Variants in NRG1 observed in about 807,000 individuals in gnomAD.
NRG1 encodes pro-neuregulin-1, membrane-bound isoform.
Under a neutral mutation model 63.8 loss-of-function variants are expected in NRG1, and 18 were observed. The ratio of observed to expected loss-of-function variants is 0.28; its 90% CI spans 0.19 to 0.42. The LOEUF is 0.42. Ranked by LOEUF, NRG1 falls within the 10% of genes least tolerant of loss-of-function variation. The pLI is 1.00. For synonymous variants in NRG1, 302 were observed against 301.3 expected, an observed-to-expected ratio of 1.00 and a Z score of -0.02; for missense variants, 762 against 814.7, an observed-to-expected ratio of 0.94 and a Z score of 0.79.
At chr8:31,713,386 G>T (rs554359216) in intron 1 of NRG1, among the ~76,000 whole-genome samples, 7 of 152,236 alleles carry the variant, frequency 4.6e-5, no homozygotes, top group African/African-American at 1.7e-4. Flanking sequence ...AAAGTGCTGG[G>T]ATTACAGGTA....
intron 1 of NRG1, among the ~76,000 whole-genome samples, chr8:32,438,724 A>G (rs13257152): frequency 0.056 from 8,453 of 152,226 alleles, 291 homozygotes; most frequent in Middle Eastern, 0.085. Flanking sequence ...TATTTTAGCC[A>G]TTATGATCAG....
chr8:32,772,037 ATATGT>A (rs1256424775), downstream of NRG1, among the ~76,000 whole-genome samples: 12 of 112,704 alleles, frequency 1.1e-4, 1 homozygote, highest in African/African-American at 2.2e-4. Flanking sequence ...AAAAAAAAAA[ATATGT>A]ATATATATAT....
At chr8:32,144,183 T>A (rs1836611337) in intron 1 of NRG1, among the ~76,000 whole-genome samples, 1 of 152,140 alleles carries the variant, frequency 6.6e-6, no homozygotes, top group Non-Finnish European at 1.5e-5. Flanking sequence ...AAGCCGACCA[T>A]GATCTGCTGG....
chr8:32,314,982 C>T (rs930939015), intron 1 of NRG1, among the ~76,000 whole-genome samples: 1 of 152,166 alleles, frequency 6.6e-6, no homozygotes, highest in Admixed American at 6.5e-5. Context: ...CGGATGTCAC[C>T]TCCTCCAAGA....
intron 1 of NRG1, among the ~76,000 whole-genome samples, chr8:31,861,576 C>T (rs1441923131): frequency 6.6e-6 from 1 of 152,184 alleles, no homozygotes; most frequent in Non-Finnish European, 1.5e-5. Flanking sequence ...GTCATCACAA[C>T]TGCTGCATTG....
intron 1 of NRG1, among the ~76,000 whole-genome samples, chr8:32,029,151 A>G (rs527444778): frequency 1.5e-3 from 229 of 152,276 alleles, no homozygotes; most frequent in Non-Finnish European, 2.8e-3. Context: ...TTATTTGCGT[A>G]CCTCATTTTT....
At chr8:32,194,189 C>G (rs975039561) in intron 1 of NRG1, among the ~76,000 whole-genome samples, 55 of 152,204 alleles carry the variant, frequency 3.6e-4, no homozygotes, top group African/African-American at 1.3e-3. Flanking sequence ...AATTAGAAAG[C>G]TTCTGACAGA....
intron 1 of NRG1, among the ~76,000 whole-genome samples, chr8:32,137,573 G>A (rs548315347): frequency 2.0e-5 from 3 of 152,248 alleles, no homozygotes; most frequent in South Asian, 2.1e-4. Flanking sequence ...GTCAAGTGTC[G>A]TGAGATTCCA....
At chr8:32,212,982 A>G (rs1844843426) in intron 1 of NRG1, among the ~76,000 whole-genome samples, 1 of 152,114 alleles carries the variant, frequency 6.6e-6, no homozygotes, top group Non-Finnish European at 1.5e-5. Context: ...TTCTTGGGAG[A>G]TGGTTTTTAT....
At chr8:32,124,763 A>G (rs1382424367) in intron 1 of NRG1, among the ~76,000 whole-genome samples, 1 of 151,892 alleles carries the variant, frequency 6.6e-6, no homozygotes, top group Admixed American at 6.6e-5. Context: ...AAGGCAACAA[A>G]AGTTATCACA....
chr8:32,197,657 G>C (rs1338497560), intron 1 of NRG1, among the ~76,000 whole-genome samples: 1 of 152,138 alleles, frequency 6.6e-6, no homozygotes, highest in African/African-American at 2.4e-5. Context: ...CTAGACTGTT[G>C]GCTTATTGTC....
At position 31,808,259 on chromosome 8, in the gene NRG1, G is replaced by GT. The variant is rs1384186398; in HGVS notation, c.37+168828_37+168829insT. ...TGGCATGTTTACTTTCTTTGTGTAA[G>GT]CTGATGTATGGAAAATATTTTCCTA... On this transcript the variant is annotated intron_variant, in intron 1 of 10. Transcript: ENST00000519301. 3.7e-4 allele frequency among the ~76,000 whole-genome samples: 56 copies of GT among 151,968 alleles called. 1 individual carries two copies. The highest frequency in any genetic ancestry group is 1.2e-3 in the African/African-American group (49 of 41,466).
chr8:32,079,951 T>A (rs1827193861), intron 1 of NRG1, among the ~76,000 whole-genome samples: 1 of 152,152 alleles, frequency 6.6e-6, no homozygotes, highest in South Asian at 2.1e-4. Context: ...AATATACAAT[T>A]GGCTAAACAA....
At chr8:31,793,797 A>G (rs1253212991) in intron 1 of NRG1, among the ~76,000 whole-genome samples, 3 of 152,098 alleles carry the variant, frequency 2.0e-5, no homozygotes, top group African/African-American at 7.2e-5. Context: ...TGCTTTTTCT[A>G]TCCTTATCAC....
At chr8:31,874,238 T>C (rs1829728732) in intron 1 of NRG1, among the ~76,000 whole-genome samples, 1 of 152,232 alleles carries the variant, frequency 6.6e-6, no homozygotes, top group African/African-American at 2.4e-5. Flanking sequence ...GGCATGATAT[T>C]TGCTTAACAA....
At chr8:32,422,767 A>G (rs1157537188) in intron 1 of NRG1, among the ~76,000 whole-genome samples, 3 of 152,226 alleles carry the variant, frequency 2.0e-5, no homozygotes, top group Non-Finnish European at 4.4e-5. Flanking sequence ...TGGAATGTCT[A>G]ATGGTTTTTG....
chr8:31,902,974 A>G (rs544684302), intron 1 of NRG1, among the ~76,000 whole-genome samples: 2 of 152,242 alleles, frequency 1.3e-5, no homozygotes, highest in East Asian at 3.9e-4. Flanking sequence ...CCCTCTCATG[A>G]TGTTAGACCT....
chr8:32,353,910 A>C (rs553449658), intron 1 of NRG1, among the ~76,000 whole-genome samples: 1 of 152,362 alleles, frequency 6.6e-6, no homozygotes, highest in South Asian at 2.1e-4. Flanking sequence ...AAAAGTTGGA[A>C]ACCACCCAAA....
intron 1 of NRG1, among the ~76,000 whole-genome samples, chr8:31,967,616 A>G (rs1023911): frequency 0.63 from 95,712 of 152,084 alleles, 34,543 homozygotes; most frequent in Non-Finnish European, 0.81. Context: ...CCAAAATTCC[A>G]TGAAAACCAG....
Sources: gnomAD v4.1 joint callset for allele counts (sites outside exome capture counted in the v4.1 genomes callset) on GRCh38, gnomAD v4.1.1 for gene constraint, MANE v1.5 for transcripts, NCBI Gene and HGNC (gene_info 2026-07-23, HGNC 2026-07-21) for gene names.